The following GARS1 variants were observed in gnomAD, a reference collection of about 807,000 sequenced individuals.
GARS1 encodes glycine--tRNA ligase.
In GARS1, 46 loss-of-function variants were observed where a neutral mutation model predicts 86.4. The ratio of observed to expected loss-of-function variants is 0.53; its 90% CI spans 0.42 to 0.68. The LOEUF is 0.68. Ranked by LOEUF, GARS1 falls within the 30% of genes least tolerant of loss-of-function variation. The pLI, the probability that GARS1 is intolerant of heterozygous loss-of-function variation, is 0.00. For synonymous variants in GARS1, 342 were observed against 329.8 expected (o/e 1.04, Z -0.40); for missense variants, 797 against 915.6 (o/e 0.87, Z 1.67).
chr7:30,602,883 C>G (rs2709809), intron 4 of GARS1, 151 bp from the exon 5 acceptor site: 14 of 679,410 alleles, frequency 2.1e-5, no homozygotes, highest in Non-Finnish European at 3.8e-5. Context: ...TCTCTGGCAT[C>G]CATTACTGTC....
intron 10 of GARS1, 68 bp from the exon 11 acceptor site, chr7:30,621,325 C>T: frequency 1.7e-6 from 2 of 1,209,468 alleles, no homozygotes; most frequent in Non-Finnish European, 2.5e-6. Flanking sequence ...AATCTGCATG[C>T]ATTTGTGAAT....
At chr7:30,596,077 A>G (rs1791240424) in intron 1 of GARS1, 1 of 356,108 alleles carries the variant, frequency 2.8e-6, no homozygotes, top group Non-Finnish European at 5.5e-6. Flanking sequence ...AGGGAGAGCC[A>G]GAGCTTGCAG....
intron 11 of GARS1, 121 bp from the exon 12 acceptor site, chr7:30,622,196 A>G: frequency 1.7e-6 from 2 of 1,161,782 alleles, no homozygotes; most frequent in Non-Finnish European, 2.5e-6. Flanking sequence ...CAGCATAAAC[A>G]GGATCTGGAG....
intron 12 of GARS1, among the ~76,000 whole-genome samples, chr7:30,623,738 G>C (rs909919013): frequency 1.3e-5 from 2 of 152,106 alleles, no homozygotes; most frequent in African/African-American, 2.4e-5. Flanking sequence ...CCCCAAGCAG[G>C]ATAAACACGA....
chr7:30,628,692 C>T (rs1055036526), intron 14 of GARS1, 23 bp downstream of exon 14: 1 of 1,494,474 alleles, frequency 6.7e-7, no homozygotes, highest in South Asian at 1.1e-5. Flanking sequence ...GTACAGTGTG[C>T]TGTTATAGTG....
chr7:30,615,728 T>A (rs560175542), intron 8 of GARS1, among the ~76,000 whole-genome samples, 168 bp from the exon 9 acceptor site: 132 of 152,248 alleles, frequency 8.7e-4, no homozygotes, highest in African/African-American at 3.1e-3. Context: ...TAATTCAAAA[T>A]TTTTTTGGCC....
chr7:30,595,362 G>A (rs1036288850), intron 1 of GARS1, among the ~76,000 whole-genome samples: 2 of 152,092 alleles, frequency 1.3e-5, no homozygotes, highest in African/African-American at 4.8e-5. Flanking sequence ...CTCTCTTTTT[G>A]GATGACTCCC....
At chr7:30,595,416 C>A (rs978427690) in intron 1 of GARS1, among the ~76,000 whole-genome samples, 1 of 152,198 alleles carries the variant, frequency 6.6e-6, no homozygotes, top group Non-Finnish European at 1.5e-5. Flanking sequence ...GCTCCGTTCT[C>A]CCTTCCCCAT....
In GARS1 at chr7:30,632,912, AAGG is replaced by A. The variant is rs1303719773; in HGVS notation, c.2094+478_2094+480del. On this transcript the variant is annotated intron_variant, in intron 16 of 16. Coordinates refer to ENST00000389266, the MANE Select transcript of GARS1 (RefSeq NM_002047.4). This position sits in a 1 kb window ranked among gnomAD's most constrained non-coding sequence, Gnocchi z 4.1. ...AGTAATGGAGATGGTAGAAGCACAG[AAGG>A]AGAAGGATGAGTGGTAAGGGAAAGG... Among the ~76,000 whole-genome samples, 3 of 152,232 alleles carry A rather than the reference AAGG, an allele frequency of 2.0e-5. 1 individual carries two copies. Among genetic ancestry groups the A allele is most frequent in the Admixed American group, 1.3e-4 (2 of 15,282 alleles).
intron 6 of GARS1, among the ~76,000 whole-genome samples, chr7:30,608,194 G>A (rs901574120): frequency 6.6e-6 from 1 of 152,200 alleles, no homozygotes; most frequent in Non-Finnish European, 1.5e-5. Context: ...CTTTGGGATA[G>A]ATGCCTAGAA....
At chr7:30,630,874 G>A (rs1174365372) in intron 14 of GARS1, among the ~76,000 whole-genome samples, 2 of 152,126 alleles carry the variant, frequency 1.3e-5, no homozygotes, top group Non-Finnish European at 2.9e-5. Flanking sequence ...TAAGAAGGCT[G>A]TACTTTTTAG....
intron 1 of GARS1, chr7:30,595,783 A>T (rs1791234506): frequency 1.1e-5 from 5 of 471,186 alleles, no homozygotes; most frequent in Non-Finnish European, 2.2e-5. Context: ...CTGTGAACTC[A>T]TCATCCTTTG....
chr7:30,623,402 G>A (rs1280444503), intron 12 of GARS1, among the ~76,000 whole-genome samples: 3 of 152,036 alleles, frequency 2.0e-5, no homozygotes, highest in Non-Finnish European at 2.9e-5. Flanking sequence ...GTGTAATATG[G>A]ATATAAACAC....
intron 9 of GARS1, 24 bp downstream of exon 9, chr7:30,616,082 C>G: frequency 6.2e-7 from 1 of 1,613,728 alleles, no homozygotes; most frequent in South Asian, 1.1e-5. Flanking sequence ...GGTAACTTAA[C>G]TTAGATTGTG....
At chr7:30,609,516 A>G in intron 6 of GARS1, 69 bp from the exon 7 acceptor site, 2 of 1,343,682 alleles carry the variant, frequency 1.5e-6, no homozygotes, top group Non-Finnish European at 1.1e-6. Context: ...CTAGGGTTAT[A>G]TATAATACTT....
At chr7:30,631,701 G>A (rs1038649358) in intron 15 of GARS1, among the ~76,000 whole-genome samples, 160 bp downstream of exon 15, 29 of 152,204 alleles carry the variant, frequency 1.9e-4, no homozygotes, top group African/African-American at 5.5e-4. Context: ...ATTTCTAAGC[G>A]AGAGGATATG....
rs4593 is a variant in GARS1, at chr7:30,633,785, A to C, written c.2145A>C (p.Thr715=). The stretch of plus-strand genomic sequence containing the variant: ...AAGACCTAGCCAATGGCAACATCAC[A>C]TGGGCTGATGTGGAGGCCAGGTATC... ...IVQDLANGNI[T]WADVEARYPL... The change falls in exon 17 of 17, where the codon ACA becomes ACC. Residue 715 remains threonine, a synonymous_variant. Transcript: ENST00000389266. 3 of 1,608,832 alleles carry C rather than the reference A, an allele frequency of 1.9e-6. No homozygotes were observed. Among genetic ancestry groups the C allele is most frequent in the Non-Finnish European group, 2.5e-6 (3 of 1,176,838 alleles).
chr7:30,611,646 G>T (rs918011802), intron 7 of GARS1, among the ~76,000 whole-genome samples: 2 of 152,134 alleles, frequency 1.3e-5, no homozygotes, highest in Non-Finnish European at 2.9e-5. Context: ...CACCACGCCT[G>T]GCTAATTTTG....
chr7:30,603,836 T>C (rs1441727646), intron 6 of GARS1, among the ~76,000 whole-genome samples: 1 of 152,230 alleles, frequency 6.6e-6, no homozygotes, highest in East Asian at 1.9e-4. Context: ...CTTTTCTGGA[T>C]TTAATAGCTA....
Sources: gnomAD v4.1 joint callset for allele counts (sites outside exome capture counted in the v4.1 genomes callset) on GRCh38, gnomAD v4.1.1 for gene constraint, Gnocchi (gnomAD v3.1) non-coding constraint, MANE v1.5 for transcripts, NCBI Gene and HGNC (gene_info 2026-07-23, HGNC 2026-07-21) for gene names.